Variants in XKR4 observed in about 807,000 individuals in gnomAD.
XKR4 encodes the protein XK related 4.
A neutral mutation model predicts 53.9 loss-of-function variants in XKR4; 12 were observed. The observed-to-expected ratio is 0.22, with a 90% CI of 0.14 to 0.36. The LOEUF (loss-of-function observed/expected upper bound fraction) is 0.36. Among genes scored for constraint, XKR4 ranks in the 10% least tolerant of loss-of-function variants. XKR4 has a pLI of 1.00. For synonymous variants in XKR4, 354 were observed against 362.4 expected (o/e 0.98, Z 0.26); for missense variants, 799 against 859.5 (o/e 0.93, Z 0.88).
At chr8:55,480,946 T>A (rs1420043003) in intron 2 of XKR4, among the ~76,000 whole-genome samples, 1 of 152,166 alleles carries the variant, frequency 6.6e-6, no homozygotes, top group African/African-American at 2.4e-5. Flanking sequence ...GTAGGAAGAA[T>A]CCATATCATG....
chr8:55,455,602 A>G (rs1338136835), intron 2 of XKR4, among the ~76,000 whole-genome samples: 1 of 152,240 alleles, frequency 6.6e-6, no homozygotes, highest in Admixed American at 6.5e-5. Flanking sequence ...CAAGTTTACA[A>G]TCACAGTTAC....
intron 1 of XKR4, among the ~76,000 whole-genome samples, chr8:55,194,624 C>A (rs904547107): frequency 5.9e-5 from 9 of 152,174 alleles, no homozygotes; most frequent in African/African-American, 9.7e-5. Context: ...TCATTTGCTT[C>A]CTTATATATT....
intron 2 of XKR4, among the ~76,000 whole-genome samples, chr8:55,472,289 T>C (rs948588105): frequency 1.3e-5 from 2 of 152,134 alleles, no homozygotes; most frequent in African/African-American, 4.8e-5. Flanking sequence ...CTGTAAAGGA[T>C]GAAGGGTATA....
chr8:55,240,796 A>C (rs1818200323), intron 1 of XKR4, among the ~76,000 whole-genome samples: 1 of 152,242 alleles, frequency 6.6e-6, no homozygotes, highest in South Asian at 2.1e-4. Flanking sequence ...ACATTTTCCA[A>C]GATACATGTG....
intron 1 of XKR4, among the ~76,000 whole-genome samples, chr8:55,352,941 A>T (rs1170292033): frequency 6.6e-6 from 1 of 152,232 alleles, no homozygotes; most frequent in African/African-American, 2.4e-5. Context: ...AACTTAATGG[A>T]TGGAAGTGTC....
At chr8:55,441,242 G>A (rs1354362173) in intron 2 of XKR4, among the ~76,000 whole-genome samples, 4 of 151,206 alleles carry the variant, frequency 2.6e-5, no homozygotes, top group African/African-American at 9.7e-5. Flanking sequence ...CCTGTCTCAA[G>A]AAAAAACATA....
intron 1 of XKR4, among the ~76,000 whole-genome samples, chr8:55,141,673 G>C (rs76266012): frequency 0.21 from 10,463 of 49,248 alleles, 648 homozygotes; most frequent in African/African-American, 0.34. Context: ...CTCTCTCTCT[G>C]TGTGTGTGTG....
At chr8:55,515,882 C>T (rs1433871815) in intron 2 of XKR4, among the ~76,000 whole-genome samples, 4 of 152,178 alleles carry the variant, frequency 2.6e-5, no homozygotes, top group Non-Finnish European at 4.4e-5. Flanking sequence ...TGAGTGTGAA[C>T]TGTGGGAGAT....
chr8:55,310,112 C>T (rs1488223995), intron 1 of XKR4, among the ~76,000 whole-genome samples: 1 of 151,982 alleles, frequency 6.6e-6, no homozygotes, highest in Non-Finnish European at 1.5e-5. Context: ...GGCTCCATTA[C>T]CCCCTCTAAA....
At position 55,246,375 on chromosome 8, in the gene XKR4, A is replaced by G. The variant is rs148137498; in HGVS notation, c.807-111303A>G. On this transcript the variant is annotated intron_variant, in intron 1 of 2. Transcript: ENST00000327381. The stretch of plus-strand genomic sequence containing the variant: ...AGAGAAGAGCTTATCACAAGGCAGT[A>G]TGATGTGGCTTCACCAGTGTATCAC... Among the ~76,000 whole-genome samples the G allele has an allele frequency of 2.3e-3, 345 of 152,290 alleles. 1 individual carries two copies. Among genetic ancestry groups the G allele is most frequent in the African/African-American group, 7.8e-3 (323 of 41,564 alleles).
chr8:55,427,858 G>A (rs1014320988), intron 2 of XKR4, among the ~76,000 whole-genome samples: 4 of 152,152 alleles, frequency 2.6e-5, no homozygotes, highest in Non-Finnish European at 5.9e-5. Context: ...TGAAAAAGAG[G>A]CAGACACCAC....
chr8:55,171,594 C>T (rs1456926250), intron 1 of XKR4, among the ~76,000 whole-genome samples: 1 of 152,142 alleles, frequency 6.6e-6, no homozygotes, highest in Non-Finnish European at 1.5e-5. Context: ...GTTCTTAGCA[C>T]CTAAAACACA....
intron 1 of XKR4, among the ~76,000 whole-genome samples, chr8:55,208,870 C>T (rs1817685622): frequency 6.6e-6 from 1 of 152,196 alleles, no homozygotes. Flanking sequence ...AATGGACAAG[C>T]TGCTCTTGGA....
At chr8:55,222,940 A>G (rs1297809643) in intron 1 of XKR4, among the ~76,000 whole-genome samples, 1 of 152,164 alleles carries the variant, frequency 6.6e-6, no homozygotes, top group East Asian at 1.9e-4. Flanking sequence ...TCATTAGGGC[A>G]ACATCATGAG....
intron 2 of XKR4, chr8:55,451,404 G>T (rs754691751): frequency 2.1e-5 from 20 of 932,470 alleles, no homozygotes; most frequent in Non-Finnish European, 3.0e-5. Context: ...TGTTGCGTCC[G>T]GACGCACTGG....
At chr8:55,447,000 G>T (rs1805356675) in intron 2 of XKR4, among the ~76,000 whole-genome samples, 1 of 150,572 alleles carries the variant, frequency 6.6e-6, no homozygotes, top group African/African-American at 2.4e-5. Context: ...AAGTAACTTA[G>T]TCCTATCTTT....
chr8:55,464,488 G>C (rs568237090), intron 2 of XKR4, among the ~76,000 whole-genome samples: 1 of 152,148 alleles, frequency 6.6e-6, no homozygotes, highest in East Asian at 1.9e-4. Context: ...AAAATAATAA[G>C]AGCTATCTAT....
intron 2 of XKR4, among the ~76,000 whole-genome samples, chr8:55,445,224 A>AT (rs1156683729): frequency 6.6e-6 from 1 of 151,706 alleles, no homozygotes; most frequent in African/African-American, 2.4e-5. Context: ...CACCTGGCTA[A>AT]TTTTTTGTAT....
intron 2 of XKR4, among the ~76,000 whole-genome samples, chr8:55,371,816 C>A (rs1804073323): frequency 6.6e-6 from 1 of 152,228 alleles, no homozygotes; most frequent in South Asian, 2.1e-4. Context: ...ATCATTGATT[C>A]AAGTGCTTGA....
Sources: allele counts gnomAD v4.1 joint callset (sites outside exome capture counted in the v4.1 genomes callset), GRCh38; gene constraint gnomAD v4.1.1; transcripts MANE v1.5; gene names NCBI Gene and HGNC (gene_info 2026-07-23, HGNC 2026-07-21).